Variants in CADM2 observed in about 807,000 individuals in gnomAD.
CADM2 encodes the protein immunoglobulin superfamily member 4D.
CADM2 carries 12 observed loss-of-function variants against 49.8 expected under a neutral mutation model. That is an observed-to-expected ratio of 0.24 (90% confidence interval 0.15 to 0.39). The LOEUF (loss-of-function observed/expected upper bound fraction) is 0.39, where lower values mean the gene tolerates loss of function less well. Ranked by LOEUF, CADM2 falls within the 10% of genes least tolerant of loss-of-function variation. CADM2 has a pLI of 1.00. For synonymous variants in CADM2, 214 were observed against 175.4 expected (o/e 1.22, Z -1.74); for missense variants, 378 against 492.3 (o/e 0.77, Z 2.20).
intron 2 of CADM2, among the ~76,000 whole-genome samples, chr3:85,778,158 T>C (rs1276217508): frequency 6.6e-6 from 1 of 152,284 alleles, no homozygotes; most frequent in East Asian, 1.9e-4. Flanking sequence ...ACATTATTAG[T>C]CTGTTTATAT....
intron 1 of CADM2, among the ~76,000 whole-genome samples, chr3:85,063,139 A>G (rs1372349869): frequency 1.3e-5 from 2 of 152,076 alleles, no homozygotes; most frequent in East Asian, 1.9e-4. Flanking sequence ...GTGTTAATCA[A>G]AAATAAACTT....
intron 8 of CADM2, among the ~76,000 whole-genome samples, chr3:86,055,760 G>A (rs1393015997): frequency 6.6e-6 from 1 of 152,070 alleles, no homozygotes; most frequent in Admixed American, 6.6e-5. Flanking sequence ...GAATTTTGGA[G>A]GGACACAAAC....
At chr3:84,995,144 C>G (rs1436129341) in intron 1 of CADM2, among the ~76,000 whole-genome samples, 2 of 152,104 alleles carry the variant, frequency 1.3e-5, no homozygotes. Flanking sequence ...CTCCCAAAAA[C>G]TAATTTTTGC....
chr3:84,960,107 CT>C, intron 1 of CADM2: 2 of 195,842 alleles, frequency 1.0e-5, no homozygotes, highest in Non-Finnish European at 2.1e-5. Context: ...GTCGCCTTTT[CT>C]TTTCCCCCTC....
chr3:85,717,684 G>C (rs2067345059), intron 1 of CADM2, among the ~76,000 whole-genome samples: 1 of 152,152 alleles, frequency 6.6e-6, no homozygotes, highest in African/African-American at 2.4e-5. Context: ...TTTATTGAGT[G>C]TTTATAGCAT....
chr3:85,959,102 GTATATC>G (rs1045791616), intron 7 of CADM2, among the ~76,000 whole-genome samples: 18 of 147,132 alleles, frequency 1.2e-4, no homozygotes, highest in African/African-American at 4.3e-4. Context: ...CTTTATATCT[GTATATC>G]TATATCTATA....
intron 8 of CADM2, among the ~76,000 whole-genome samples, chr3:86,064,654 G>A (rs1039160023): frequency 8.5e-5 from 13 of 152,066 alleles, no homozygotes; most frequent in Non-Finnish European, 1.5e-4. Flanking sequence ...ATGAAAAAAT[G>A]CTCATCATCA....
At chr3:85,664,077 T>G (rs2065490369) in intron 1 of CADM2, among the ~76,000 whole-genome samples, 1 of 152,168 alleles carries the variant, frequency 6.6e-6, no homozygotes, top group East Asian at 1.9e-4. Context: ...TCTTTTCTTC[T>G]CATAGGATGA....
intron 1 of CADM2, among the ~76,000 whole-genome samples, chr3:85,186,363 C>T (rs1016829929): frequency 1.3e-5 from 2 of 152,084 alleles, no homozygotes; most frequent in Admixed American, 1.3e-4. Context: ...TAATCTAAAA[C>T]CCAAGCACTA....
rs182112190 is a variant in CADM2 at position 85,183,751 on chromosome 3, G to A, written c.61+224083G>A. 3.9e-5 allele frequency among the ~76,000 whole-genome samples: 6 copies of A among 152,240 alleles called. No individual in the cohort carries two copies. In the East Asian group the frequency reaches 5.8e-4, roughly 15 times the overall value. On this transcript the variant is annotated intron_variant, in intron 1 of 9. Transcript: ENST00000383699. ...AATACTCATTAAAGACTTGAAGATTGCAAAGTCTATAATGCAAGGCGAATT... is the reference window on the plus strand; with the variant it reads ...AATACTCATTAAAGACTTGAAGATTACAAAGTCTATAATGCAAGGCGAATT...
At chr3:85,491,574 A>T (rs921151007) in intron 1 of CADM2, among the ~76,000 whole-genome samples, 1 of 152,150 alleles carries the variant, frequency 6.6e-6, no homozygotes, top group African/African-American at 2.4e-5. Context: ...AAACTGTGTG[A>T]AAAGCATAAT....
chr3:85,479,261 G>T (rs1357500311), intron 1 of CADM2, among the ~76,000 whole-genome samples: 1 of 151,840 alleles, frequency 6.6e-6, no homozygotes, highest in African/African-American at 2.4e-5. Context: ...TACTCATGGA[G>T]TATGAAAATA....
rs113709521 is a variant in CADM2, at chr3:85,604,318, C to A, written c.62-122204C>A. 3.9e-3 allele frequency among the ~76,000 whole-genome samples: 593 copies of A among 152,064 alleles called. 3 individuals are homozygous for A. Among genetic ancestry groups the A allele is most frequent in the African/African-American group, 0.013 (531 of 41,544 alleles). On this transcript the variant is annotated intron_variant, in intron 1 of 9. Transcript: ENST00000383699. The stretch of plus-strand genomic sequence containing the variant: ...ATAAGGTTCTGAGGCTTAATCTCAT[C>A]TGATCACATATCTGATGCTCATTCC...
intron 8 of CADM2, among the ~76,000 whole-genome samples, chr3:85,974,889 A>C (rs374403304): frequency 6.6e-6 from 1 of 151,610 alleles, no homozygotes; most frequent in African/African-American, 2.4e-5. Flanking sequence ...ATATGTTATA[A>C]GTGAAATGAA....
intron 1 of CADM2, among the ~76,000 whole-genome samples, chr3:85,443,395 T>A (rs2037300313): frequency 1.3e-5 from 2 of 152,266 alleles, no homozygotes; most frequent in Non-Finnish European, 2.9e-5. Context: ...AGCTATTGTA[T>A]AACCTCACTA....
In CADM2 at chr3:85,912,452, G is replaced by C. The variant is rs1717743385; in HGVS notation, c.609G>C (p.Arg203=). The C allele has an allele frequency of 4.3e-6, 7 of 1,614,034 alleles. 1 individual carries two copies. The Admixed American group carries it at 1.2e-4, about 27-fold the overall frequency. The part of the protein sequence containing the change: ...VSSTLDFRVD[R]SDDGVAVICR... ...GCACACTGGACTTCCGAGTGGACCGGAGTGATGATGGAGTGGCGGTCATCT... is the reference window on the plus strand; with the variant it reads ...GCACACTGGACTTCCGAGTGGACCGCAGTGATGATGGAGTGGCGGTCATCT... Residue 203 remains arginine (R), a synonymous_variant, in exon 6 of 10, where the codon CGG becomes CGC. Transcript: ENST00000383699.
At chr3:85,210,460 G>A (rs1284093125) in intron 1 of CADM2, among the ~76,000 whole-genome samples, 3 of 152,064 alleles carry the variant, frequency 2.0e-5, no homozygotes, top group Non-Finnish European at 4.4e-5. Context: ...TTTGGTTTTG[G>A]TATCTGTTCC....
In CADM2 at chr3:85,567,327, A is replaced by G. The variant is rs545160216; in HGVS notation, c.62-159195A>G. Among the ~76,000 whole-genome samples, 265 of 152,168 alleles carry G rather than the reference A, an allele frequency of 1.7e-3. 1 individual carries two copies. Among genetic ancestry groups the G allele is most frequent in the Admixed American group, 3.3e-3 (50 of 15,282 alleles). On this transcript the variant is annotated intron_variant, in intron 1 of 9. Transcript: ENST00000383699. ...CAGGCCTTTACTGCCTTACTTTTCC[A>G]TGAGTATTTTCTTTTCCTTAAAACA...
At chr3:85,272,341 T>C (rs2043261507) in intron 1 of CADM2, among the ~76,000 whole-genome samples, 1 of 151,268 alleles carries the variant, frequency 6.6e-6, no homozygotes, top group South Asian at 2.1e-4. Flanking sequence ...TACAATTCGT[T>C]GTACCACATT....
Sources: allele counts gnomAD v4.1 joint callset (sites outside exome capture counted in the v4.1 genomes callset), GRCh38; gene constraint gnomAD v4.1.1; transcripts MANE v1.5; gene names NCBI Gene and HGNC (gene_info 2026-07-23, HGNC 2026-07-21).